Variants in PTPRM observed in about 807,000 individuals in gnomAD.
The protein encoded by PTPRM is receptor-type tyrosine-protein phosphatase mu.
Under a neutral mutation model 186.7 loss-of-function variants are expected in PTPRM, and 47 were observed. The ratio of observed to expected loss-of-function variants is 0.25; its 90% CI spans 0.20 to 0.32. The LOEUF (loss-of-function observed/expected upper bound fraction) is 0.32. Among genes scored for constraint, PTPRM ranks in the 10% least tolerant of loss-of-function variants. The pLI is 1.00. For missense variants in PTPRM, 1,494 were observed against 1,865.0 expected, an observed-to-expected ratio of 0.80 and a Z score of 3.66; for synonymous variants, 668 against 674.9, an observed-to-expected ratio of 0.99 and a Z score of 0.16.
At chr18:8,078,419 A>G (rs2089948398) in intron 9 of PTPRM, among the ~76,000 whole-genome samples, 1 of 152,234 alleles carries the variant, frequency 6.6e-6, no homozygotes, top group Non-Finnish European at 1.5e-5. Flanking sequence ...ACTTGCCCCA[A>G]AAGAAGCAGG....
At chr18:8,338,382 A>AAC (rs2095453266) in intron 22 of PTPRM, among the ~76,000 whole-genome samples, 1 of 149,164 alleles carries the variant, frequency 6.7e-6, no homozygotes, top group Admixed American at 6.7e-5. Flanking sequence ...TAAAAAAAAA[A>AAC]CACCTTTAAA....
chr18:8,130,687 A>T (rs771217441), intron 13 of PTPRM, among the ~76,000 whole-genome samples: 5 of 152,084 alleles, frequency 3.3e-5, no homozygotes, highest in African/African-American at 9.7e-5. Context: ...GGCCCACTTC[A>T]TTGGCAGTTT....
chr18:7,981,219 G>C (rs117989960), intron 7 of PTPRM, among the ~76,000 whole-genome samples: 2 of 151,982 alleles, frequency 1.3e-5, no homozygotes, highest in Admixed American at 1.3e-4. Context: ...CCTCAGGGAG[G>C]CTTTCCCTAA....
chr18:7,781,859 T>C (rs952609270), intron 2 of PTPRM, among the ~76,000 whole-genome samples: 10 of 152,132 alleles, frequency 6.6e-5, no homozygotes, highest in African/African-American at 2.4e-4. Context: ...GAAATGAAAA[T>C]TGAGTTACTC....
chr18:7,704,144 G>A (rs1440358789), intron 1 of PTPRM, among the ~76,000 whole-genome samples: 2 of 152,112 alleles, frequency 1.3e-5, no homozygotes, highest in African/African-American at 2.4e-5. Flanking sequence ...CCTTTTTGCT[G>A]TGTCTCTGCC....
At chr18:7,903,836 T>C (rs1353027027) in intron 3 of PTPRM, among the ~76,000 whole-genome samples, 1 of 152,194 alleles carries the variant, frequency 6.6e-6, no homozygotes, top group African/African-American at 2.4e-5. Context: ...TGCTGATTGC[T>C]TTCTCCAGTT....
At chr18:7,807,992 A>G (rs549277637) in intron 2 of PTPRM, among the ~76,000 whole-genome samples, 17 of 152,224 alleles carry the variant, frequency 1.1e-4, no homozygotes, top group African/African-American at 4.1e-4. Flanking sequence ...ATAAAGTAGC[A>G]TATCTTTCCT....
chr18:8,311,438 A>G (rs1201550935), intron 20 of PTPRM, among the ~76,000 whole-genome samples: 1 of 152,140 alleles, frequency 6.6e-6, no homozygotes, highest in Non-Finnish European at 1.5e-5. Flanking sequence ...CTTGCTGTGT[A>G]TTAGGCAGGG....
intron 1 of PTPRM, among the ~76,000 whole-genome samples, chr18:7,755,799 C>G (rs1040390873): frequency 2.4e-4 from 37 of 152,156 alleles, no homozygotes; most frequent in Admixed American, 2.6e-4. Flanking sequence ...ACCTGCTGCT[C>G]GCTGTGCGGG....
At chr18:8,069,488 C>G (rs1246048691) in intron 7 of PTPRM, among the ~76,000 whole-genome samples, 198 bp from the exon 8 acceptor site, 1 of 152,214 alleles carries the variant, frequency 6.6e-6, no homozygotes, top group Non-Finnish European at 1.5e-5. Context: ...TGGCCACATC[C>G]ATCTGCAGAA....
chr18:8,256,629 TG>T (rs1290973411), intron 19 of PTPRM, among the ~76,000 whole-genome samples: 4 of 152,234 alleles, frequency 2.6e-5, no homozygotes, highest in Admixed American at 2.6e-4. Flanking sequence ...GTGAGCCACA[TG>T]TTATGGAAAG....
intron 2 of PTPRM, among the ~76,000 whole-genome samples, chr18:7,886,864 G>A (rs1338942306): frequency 6.6e-6 from 1 of 152,126 alleles, no homozygotes; most frequent in Non-Finnish European, 1.5e-5. Context: ...TTTTTCATTT[G>A]ATACTTACAG....
chr18:7,760,227 A>T, intron 1 of PTPRM, among the ~76,000 whole-genome samples: 1 of 152,194 alleles, frequency 6.6e-6, no homozygotes, highest in East Asian at 1.9e-4. Flanking sequence ...ACTTTCCCCA[A>T]CAGTCCACCT....
intron 20 of PTPRM, among the ~76,000 whole-genome samples, chr18:8,297,201 A>G (rs1282449582): frequency 6.6e-6 from 1 of 152,228 alleles, no homozygotes; most frequent in African/African-American, 2.4e-5. Flanking sequence ...GTAGTCGCCT[A>G]ACATAATTAA....
chr18:7,819,603 T>TG (rs2045068221), intron 2 of PTPRM, among the ~76,000 whole-genome samples: 1 of 152,170 alleles, frequency 6.6e-6, no homozygotes, highest in South Asian at 2.1e-4. Context: ...AGCCCACAGG[T>TG]GATCTGATTC....
intron 1 of PTPRM, among the ~76,000 whole-genome samples, chr18:7,614,790 G>A (rs940828388): frequency 6.6e-6 from 1 of 152,162 alleles, no homozygotes; most frequent in African/African-American, 2.4e-5. Context: ...ACAGGCATGT[G>A]TTTATCTTGT....
intron 22 of PTPRM, among the ~76,000 whole-genome samples, chr18:8,340,759 C>T (rs969277223): frequency 1.3e-5 from 2 of 152,152 alleles, no homozygotes; most frequent in Admixed American, 6.5e-5. Flanking sequence ...TACTGGAAGA[C>T]GAAGCCGATG....
chr18:8,345,259 C>T (rs890342251), intron 23 of PTPRM, among the ~76,000 whole-genome samples: 1 of 149,026 alleles, frequency 6.7e-6, no homozygotes, highest in South Asian at 2.1e-4. Flanking sequence ...AAATAATAAA[C>T]ATGAATAGAA....
chr18:8,106,087 T>G (rs1434498813), intron 11 of PTPRM, among the ~76,000 whole-genome samples: 1 of 152,070 alleles, frequency 6.6e-6, no homozygotes, highest in Non-Finnish European at 1.5e-5. Flanking sequence ...GAGTCAAGAC[T>G]AGGAAGCCTG....
Sources: allele counts gnomAD v4.1 joint callset (sites outside exome capture counted in the v4.1 genomes callset), GRCh38; gene constraint gnomAD v4.1.1; transcripts MANE v1.5; gene names NCBI Gene and HGNC (gene_info 2026-07-23, HGNC 2026-07-21).